MRC1: variants seen among roughly 807,000 people sequenced by gnomAD.
MRC1 encodes macrophage mannose receptor 1.
MRC1 carries 62 observed loss-of-function variants against 102.9 expected under a neutral mutation model. The observed-to-expected ratio is 0.60, with a 90% CI of 0.49 to 0.74. The LOEUF (loss-of-function observed/expected upper bound fraction) is 0.74. Ranked by LOEUF, MRC1 falls within the 30% of genes least tolerant of loss-of-function variation. MRC1 has a pLI of 0.00. For missense variants in MRC1, 1,237 were observed against 862.8 expected, an observed-to-expected ratio of 1.43 and a Z score of -5.43; for synonymous variants, 457 against 298.4, an observed-to-expected ratio of 1.53 and a Z score of -5.48.
Position 17,863,659 on chromosome 10 carries a change from C to A in MRC1, c.1760C>A (p.Thr587Asn). The A allele has an allele frequency of 1.3e-6, 1 of 780,774 alleles. No homozygotes were observed. The highest frequency in any genetic ancestry group is 2.4e-6 in the Non-Finnish European group (1 of 417,934). The allele number at this position is 780,774 out of a possible 1,614,324, so 48.4% of individuals were successfully genotyped here. ...ACCATCGAGGAAGAGGTTCGGTTCA[C>A]CCACTGGAATTCAGATATGCCAGGT... ...QWTIEEEVRF[T>N]HWNSDMPGRK... The change falls in exon 11 of 30, where the codon ACC (threonine) becomes AAC (asparagine). Residue 587 changes from threonine (T) to asparagine (N), a missense_variant. Transcript: ENST00000569591.
At chr10:17,839,959 G>A (rs1008989870) in intron 4 of MRC1, among the ~76,000 whole-genome samples, 4 of 150,642 alleles carry the variant, frequency 2.7e-5, no homozygotes, top group African/African-American at 4.9e-5. Flanking sequence ...CCAGCTACTC[G>A]AGAGGCTGAG....
At chr10:17,888,791 G>A (rs1833635477) in intron 22 of MRC1, among the ~76,000 whole-genome samples, 1 of 152,108 alleles carries the variant, frequency 6.6e-6, no homozygotes, top group Non-Finnish European at 1.5e-5. Flanking sequence ...TTGATTGTTG[G>A]TGCTGTCCAC....
At chr10:17,886,325 T>C (rs925156165) in intron 22 of MRC1, among the ~76,000 whole-genome samples, 2 of 150,058 alleles carry the variant, frequency 1.3e-5, no homozygotes, top group East Asian at 3.9e-4. Context: ...CCCTCCTTCC[T>C]TCCTTCCTTC....
At chr10:17,815,015 C>T (rs1056897445) in intron 1 of MRC1, among the ~76,000 whole-genome samples, 2 of 152,070 alleles carry the variant, frequency 1.3e-5, no homozygotes, top group African/African-American at 4.8e-5. Flanking sequence ...TTCATTTCAT[C>T]TTATTCTGAA....
chr10:17,816,816 T>A (rs888328983), intron 1 of MRC1, among the ~76,000 whole-genome samples: 2 of 152,142 alleles, frequency 1.3e-5, no homozygotes, highest in African/African-American at 2.4e-5. Context: ...GTCAGGAAAA[T>A]CTAAAAATGT....
intron 5 of MRC1, among the ~76,000 whole-genome samples, chr10:17,844,760 C>T (rs1838800667): frequency 6.6e-6 from 1 of 152,172 alleles, no homozygotes; most frequent in Non-Finnish European, 1.5e-5. Context: ...TCCCCAGTTT[C>T]TGTTGTTGCC....
chr10:17,870,139 T>A (rs1311126248), intron 12 of MRC1, 107 bp from the exon 13 acceptor site: 2 of 700,904 alleles, frequency 2.9e-6, no homozygotes, highest in Non-Finnish European at 5.2e-6. Flanking sequence ...GTCATTACAC[T>A]GTTTTGTTTT....
At position 17,899,627 on chromosome 10, in the gene MRC1, G is replaced by T. The variant is rs1019851133; in HGVS notation, c.3484-1161G>T. 5.9e-3 allele frequency among the ~76,000 whole-genome samples: 900 copies of T among 152,132 alleles called. 27 individuals carry two copies. The South Asian group carries it at 0.076, about 13-fold the overall frequency. ...TAATGCAGTCAAAAGGGTGATAATT[G>T]CTTGAATCTTTGAAAAATTCAGCTA... On this transcript the variant is annotated intron_variant, in intron 24 of 29. Coordinates refer to ENST00000569591, the MANE Select transcript of MRC1 (RefSeq NM_002438.4).
intron 1 of MRC1, among the ~76,000 whole-genome samples, chr10:17,821,250 A>G (rs1554838257): frequency 1.3e-5 from 2 of 152,058 alleles, no homozygotes; most frequent in African/African-American, 4.8e-5. Context: ...ACTCACTCTA[A>G]GTAAGACAGC....
intron 23 of MRC1, 78 bp downstream of exon 23, chr10:17,894,390 CTTTCTTTTTT>C: frequency 1.2e-5 from 7 of 577,526 alleles, no homozygotes; most frequent in Non-Finnish European, 2.1e-5. Context: ...TTCTTTCTTT[CTTTCTTTTTT>C]TTTTTTTTTT....
chr10:17,810,202 C>A (rs1554837350), intron 1 of MRC1, among the ~76,000 whole-genome samples: 1 of 152,152 alleles, frequency 6.6e-6, no homozygotes, highest in African/African-American at 2.4e-5. Context: ...TTCTCAAATA[C>A]CTTTTCCAGT....
intron 11 of MRC1, among the ~76,000 whole-genome samples, chr10:17,863,983 GT>G (rs1833224962): frequency 6.6e-6 from 1 of 150,446 alleles, no homozygotes; most frequent in Admixed American, 6.6e-5. Context: ...GGTCGCAAAG[GT>G]TTCAAATGGT....
chr10:17,871,337 G>A (rs1422973905), intron 14 of MRC1, among the ~76,000 whole-genome samples: 1 of 152,142 alleles, frequency 6.6e-6, no homozygotes, highest in Non-Finnish European at 1.5e-5. Context: ...GAGTGAGGTG[G>A]TTTATTTGAT....
intron 23 of MRC1, among the ~76,000 whole-genome samples, chr10:17,895,172 G>A (rs937570000): frequency 6.6e-6 from 1 of 152,048 alleles, no homozygotes; most frequent in Middle Eastern, 3.4e-3. Flanking sequence ...CCATGATTGT[G>A]CTCCTCACTC....
chr10:17,847,835 T>A (rs1838848317), intron 6 of MRC1, among the ~76,000 whole-genome samples: 1 of 152,314 alleles, frequency 6.6e-6, no homozygotes, highest in South Asian at 2.1e-4. Context: ...CATTGGCTGA[T>A]ACTATTTTCA....
chr10:17,841,096 A>G (rs1225256396), intron 5 of MRC1, among the ~76,000 whole-genome samples: 2 of 152,242 alleles, frequency 1.3e-5, no homozygotes, highest in Non-Finnish European at 2.9e-5. Context: ...GTTGGGTACT[A>G]TATTCAAAAG....
At chr10:17,860,721 T>G (rs1353834788) in intron 9 of MRC1, among the ~76,000 whole-genome samples, 1 of 152,248 alleles carries the variant, frequency 6.6e-6, no homozygotes, top group African/African-American at 2.4e-5. Context: ...CTAGGTTTGC[T>G]CTTCCCCAAA....
chr10:17,852,091 T>G (rs962584982), intron 7 of MRC1, among the ~76,000 whole-genome samples: 4 of 152,212 alleles, frequency 2.6e-5, no homozygotes, highest in African/African-American at 9.6e-5. Flanking sequence ...TTTAGACAAG[T>G]TTATTTTTTA....
intron 7 of MRC1, 48 bp downstream of exon 7, chr10:17,849,812 A>G: frequency 1.4e-6 from 1 of 733,878 alleles, no homozygotes; most frequent in Non-Finnish European, 2.6e-6. Context: ...TCCTGGGAGC[A>G]CCCCTTTCTA....
Sources: allele counts gnomAD v4.1 joint callset (sites outside exome capture counted in the v4.1 genomes callset), GRCh38; gene constraint gnomAD v4.1.1; transcripts MANE v1.5; gene names NCBI Gene and HGNC (gene_info 2026-07-23, HGNC 2026-07-21).